Variants in SDHA observed in about 807,000 individuals in gnomAD.
The protein encoded by SDHA is succinate dehydrogenase complex flavoprotein subunit A, also known as succinate dehydrogenase [ubiquinone] flavoprotein subunit, mitochondrial.
Under a neutral mutation model 78.4 loss-of-function variants are expected in SDHA, and 48 were observed. The ratio of observed to expected loss-of-function variants is 0.61; its 90% CI spans 0.49 to 0.78. The LOEUF (loss-of-function observed/expected upper bound fraction) is 0.78, where lower values mean the gene tolerates loss of function less well. Ranked by LOEUF, SDHA falls within the 30% of genes least tolerant of loss-of-function variation. The pLI is 0.00. For synonymous variants in SDHA, 326 were observed against 353.9 expected (o/e 0.92, Z 0.88); for missense variants, 680 against 892.7 (o/e 0.76, Z 3.04).
Position 250,848 on chromosome 5 carries a change from C to T in SDHA, c.1552-144C>T, listed in dbSNP as rs1265074579. The T allele has an allele frequency of 5.4e-6, 4 of 742,958 alleles. No homozygotes were observed. The East Asian group carries it at 8.1e-5, about 15-fold the overall frequency. The allele number at this position is 742,958 out of a possible 1,614,324, so 46.0% of individuals were successfully genotyped here. On this transcript the variant is annotated intron_variant, in intron 11 of 14. Transcript: ENST00000264932. The stretch of plus-strand genomic sequence containing the variant: ...TCATTTTTAAGTTTGGAGTAATAAA[C>T]TCATAGTCTGAATTTCCTAATTTTT...
chr5:238,318 G>C (rs1386695744), intron 10 of SDHA, among the ~76,000 whole-genome samples: 2 of 151,218 alleles, frequency 1.3e-5, no homozygotes, highest in East Asian at 3.9e-4. Context: ...AAAATGATGA[G>C]TTTATTTTAC....
At position 251,120 on chromosome 5, in the gene SDHA, C is replaced by T. The variant is rs759291109; in HGVS notation, c.1663+17C>T. ...TCGACCGGGGTGAGCAGACAGTGGG[C>T]TCTGTGCACACTGTTGGGCCCTTCC... On this transcript the variant is annotated intron_variant, in intron 12 of 14. Coordinates refer to ENST00000264932, the MANE Select transcript of SDHA (RefSeq NM_004168.4). The T allele has an allele frequency of 6.2e-7, 1 of 1,606,280 alleles. No individual in the cohort carries two copies. Among genetic ancestry groups the T allele is most frequent in the Admixed American group, 1.7e-5 (1 of 60,014 alleles).
chr5:264,184 T>C, the SDHA span, among the ~76,000 whole-genome samples: 5 of 152,324 alleles, frequency 3.3e-5, no homozygotes, highest in East Asian at 5.8e-4. Flanking sequence ...GAGACTGAAA[T>C]AGACTCTGAA....
the SDHA span, among the ~76,000 whole-genome samples, chr5:262,317 C>T: frequency 0.019 from 1,874 of 99,336 alleles, 56 homozygotes; most frequent in Middle Eastern, 0.029. Context: ...CTCCGCCTCC[C>T]GTCAGAGCAT....
At chr5:264,626 G>C in the SDHA span, among the ~76,000 whole-genome samples, 1 of 152,242 alleles carries the variant, frequency 6.6e-6, no homozygotes, top group South Asian at 2.1e-4. Context: ...TCTGAGGAGT[G>C]ACCTGGGGCT....
At chr5:230,746 G>A in intron 6 of SDHA, 130 bp from the exon 7 acceptor site, 2 of 1,222,088 alleles carry the variant, frequency 1.6e-6, no homozygotes, top group East Asian at 4.7e-5. Context: ...GTGTGCGTGA[G>A]TAGGGGGTTG....
At chr5:251,850 G>A in intron 13 of SDHA, 2 of 618,456 alleles carry the variant, frequency 3.2e-6, no homozygotes, top group Non-Finnish European at 4.8e-6. Flanking sequence ...TAAATAACGA[G>A]TAAGCCACCG....
chr5:220,349 C>G lies in SDHA; in HGVS notation c.63+1931C>G, dbSNP rs769061215. 1.6e-5 allele frequency: 7 copies of G among 438,824 alleles called. 1 individual carries two copies. Among genetic ancestry groups the G allele is most frequent in the South Asian group, 1.1e-4 (7 of 62,864 alleles). The allele number at this position is 438,824 out of a possible 1,614,324, so 27.2% of individuals were successfully genotyped here. ...ACTGCTTACTTCAGGTGAAGTTTTT[C>G]AAATCCCTTAACATGAACATCCAAT... is the stretch of plus-strand genomic sequence containing the variant. On this transcript the variant is annotated intron_variant, in intron 1 of 14. Transcript: ENST00000264932.
downstream of SDHA, among the ~76,000 whole-genome samples, chr5:258,454 G>A (rs1373077443): frequency 1.9e-5 from 2 of 104,874 alleles, 1 homozygote; most frequent in Non-Finnish European, 3.4e-5. Context: ...TCCATCTCTT[G>A]TCAGAGCATT....
intron 1 of SDHA, among the ~76,000 whole-genome samples, chr5:221,936 C>T (rs1395467298): frequency 6.6e-6 from 1 of 152,090 alleles, no homozygotes; most frequent in Non-Finnish European, 1.5e-5. Context: ...ACATCAACAT[C>T]CTAGAAAGAA....
At chr5:264,436 C>G in the SDHA span, among the ~76,000 whole-genome samples, 3 of 152,206 alleles carry the variant, frequency 2.0e-5, no homozygotes, top group Non-Finnish European at 2.9e-5. Flanking sequence ...CCGGATCCCA[C>G]GTGGGCAGCT....
At chr5:221,906 G>C (rs115765319) in intron 1 of SDHA, among the ~76,000 whole-genome samples, 2 of 152,066 alleles carry the variant, frequency 1.3e-5, no homozygotes, top group Non-Finnish European at 2.9e-5. Context: ...GTGTGGTGGG[G>C]GGTGGGCAGT....
At chr5:267,096 G>A in the SDHA span, among the ~76,000 whole-genome samples, 1 of 152,364 alleles carries the variant, frequency 6.6e-6, no homozygotes, top group Admixed American at 6.5e-5. Flanking sequence ...CTGATAGATT[G>A]TCCACTACTC....
chr5:235,920 G>A (rs1735744319), intron 9 of SDHA: 1 of 238,822 alleles, frequency 4.2e-6, no homozygotes, highest in African/African-American at 2.3e-5. Flanking sequence ...TGTAACAGCA[G>A]GTGCTCAGGG....
At chr5:220,266 C>G (rs1209751361) in intron 1 of SDHA, 2 of 452,272 alleles carry the variant, frequency 4.4e-6, no homozygotes, top group Admixed American at 2.4e-5. Flanking sequence ...GCAAACTGTT[C>G]GAAAGCAGTT....
rs1255401233 is a variant in SDHA, at chr5:218,524, G to A, written c.63+106G>A. ...AGCGGAGCGGGCGCCGGGTCCCTGC[G>A]CCCTCTGTCCCGGGATCGGGAAGGG... On this transcript the variant is annotated intron_variant, in intron 1 of 14. Transcript: ENST00000264932. 1.0e-5 allele frequency: 9 copies of A among 876,084 alleles called. No individual in the cohort carries two copies. In the East Asian group the frequency reaches 2.1e-4, roughly 20 times the overall value. The allele number at this position is 876,084 out of a possible 1,614,324, so 54.3% of individuals were successfully genotyped here.
intron 5 of SDHA, chr5:227,959 A>C: frequency 3.8e-6 from 2 of 525,612 alleles, no homozygotes; most frequent in Middle Eastern, 1.1e-3. Context: ...TCACCAAAAT[A>C]GGAGCTGTTG....
the SDHA span, among the ~76,000 whole-genome samples, chr5:268,411 C>T: frequency 6.6e-6 from 1 of 152,074 alleles, no homozygotes; most frequent in African/African-American, 2.4e-5. Context: ...CTTGATCCAC[C>T]CGCCTCAGCC....
chr5:225,275 C>T, intron 3 of SDHA, 144 bp from the exon 4 acceptor site: 1 of 1,000,322 alleles, frequency 1.0e-6, no homozygotes, highest in Non-Finnish European at 1.6e-6. Flanking sequence ...GGTCTCGCTG[C>T]TCCTCTGCTG....
Sources: allele counts gnomAD v4.1 joint callset (sites outside exome capture counted in the v4.1 genomes callset), GRCh38; gene constraint gnomAD v4.1.1; transcripts MANE v1.5; gene names NCBI Gene and HGNC (gene_info 2026-07-23, HGNC 2026-07-21).